PTPRT: variants seen among roughly 807,000 people sequenced by gnomAD.
PTPRT encodes the protein receptor-type tyrosine-protein phosphatase T.
A neutral mutation model predicts 176.8 loss-of-function variants in PTPRT; 56 were observed. The ratio of observed to expected loss-of-function variants is 0.32; its 90% CI spans 0.26 to 0.40. PTPRT has a LOEUF of 0.40. Ranked by LOEUF, PTPRT falls within the 10% of genes least tolerant of loss-of-function variation. The pLI, the probability that PTPRT is intolerant of heterozygous loss-of-function variation, is 1.00. For missense variants in PTPRT, 1,540 were observed against 1,908.2 expected, an observed-to-expected ratio of 0.81 and a Z score of 3.60; for synonymous variants, 783 against 739.0, an observed-to-expected ratio of 1.06 and a Z score of -0.96.
At chr20:42,915,351 G>A (rs184343700) in intron 1 of PTPRT, among the ~76,000 whole-genome samples, 49 of 152,326 alleles carry the variant, frequency 3.2e-4, no homozygotes, top group African/African-American at 8.4e-4. Flanking sequence ...AGGCCTGTGG[G>A]TCCCTCCCTG....
chr20:42,947,985 TTGAATGAA>T (rs57263700), intron 1 of PTPRT, among the ~76,000 whole-genome samples: 12 of 152,032 alleles, frequency 7.9e-5, no homozygotes, highest in African/African-American at 2.2e-4. Flanking sequence ...CATGCATTTG[TTGAATGAA>T]TGAATGAATG....
At chr20:42,116,468 A>G (rs1569551) in intron 21 of PTPRT, among the ~76,000 whole-genome samples, 90,151 of 151,892 alleles carry the variant, frequency 0.59, 28,217 homozygotes, top group African/African-American at 0.82. Flanking sequence ...AAGTGCTGAA[A>G]CCTCTCTGAG....
intron 1 of PTPRT, among the ~76,000 whole-genome samples, chr20:43,081,297 C>T (rs953995820): frequency 6.6e-6 from 1 of 152,190 alleles, no homozygotes. Context: ...ATTTCTTCAG[C>T]AGTGATTGTT....
intron 7 of PTPRT, among the ~76,000 whole-genome samples, chr20:42,567,495 A>G (rs1244562696): frequency 2.0e-5 from 3 of 152,322 alleles, no homozygotes; most frequent in African/African-American, 4.8e-5. Flanking sequence ...GGGGTGAGGT[A>G]CTGTACACTT....
At chr20:42,122,112 TCAC>T (rs1436571757) in intron 19 of PTPRT, among the ~76,000 whole-genome samples, 2 of 152,180 alleles carry the variant, frequency 1.3e-5, no homozygotes, top group Non-Finnish European at 2.9e-5. Context: ...AGCCTATACT[TCAC>T]CACTGTGCAA....
At chr20:42,295,052 A>G (rs1356146181) in intron 12 of PTPRT, among the ~76,000 whole-genome samples, 1 of 152,168 alleles carries the variant, frequency 6.6e-6, no homozygotes, top group East Asian at 1.9e-4. Flanking sequence ...TAGGTAGGTA[A>G]ATATTTTATG....
chr20:42,680,915 C>T (rs1257999949), intron 6 of PTPRT, among the ~76,000 whole-genome samples: 1 of 152,190 alleles, frequency 6.6e-6, no homozygotes, highest in Non-Finnish European at 1.5e-5. Context: ...GCAGATTAGC[C>T]TCACGGTTAT....
chr20:42,645,029 A>G (rs2074857142), intron 7 of PTPRT, among the ~76,000 whole-genome samples: 2 of 152,136 alleles, frequency 1.3e-5, no homozygotes, highest in African/African-American at 4.8e-5. Context: ...TTCTCACCCC[A>G]AGTTAGTAAG....
At chr20:42,223,686 G>A (rs1177436608) in intron 15 of PTPRT, among the ~76,000 whole-genome samples, 1 of 152,046 alleles carries the variant, frequency 6.6e-6, no homozygotes, top group African/African-American at 2.4e-5. Context: ...ATAAAGCAAA[G>A]ATAAGAAAAA....
chr20:42,282,832 T>C (rs2057162886), intron 12 of PTPRT, among the ~76,000 whole-genome samples: 1 of 152,114 alleles, frequency 6.6e-6, no homozygotes, highest in African/African-American at 2.4e-5. Context: ...ACTCATCATC[T>C]TTAACAATAA....
At chr20:42,133,634 G>T (rs977209767) in intron 18 of PTPRT, among the ~76,000 whole-genome samples, 1 of 152,168 alleles carries the variant, frequency 6.6e-6, no homozygotes, top group African/African-American at 2.4e-5. Flanking sequence ...TTGTACATTT[G>T]TCAAATCCTA....
intron 13 of PTPRT, among the ~76,000 whole-genome samples, chr20:42,253,506 G>C (rs1422149597): frequency 1.3e-5 from 2 of 151,938 alleles, no homozygotes; most frequent in Admixed American, 1.3e-4. Flanking sequence ...GGGTGACTTT[G>C]TTTTATTAAG....
intron 1 of PTPRT, among the ~76,000 whole-genome samples, chr20:42,961,144 TTAAAA>T (rs779851403): frequency 2.0e-4 from 30 of 152,126 alleles, no homozygotes; most frequent in Non-Finnish European, 3.7e-4. Context: ...AGGTAGGTAA[TTAAAA>T]TAAAGAAAAG....
chr20:42,825,232 G>A (rs1034378829), intron 2 of PTPRT, among the ~76,000 whole-genome samples: 19 of 151,884 alleles, frequency 1.3e-4, no homozygotes, highest in African/African-American at 4.4e-4. Flanking sequence ...ACCACCAATT[G>A]AATAATCCCA....
At chr20:42,658,004 A>T (rs2867491) in intron 7 of PTPRT, among the ~76,000 whole-genome samples, 43,196 of 151,262 alleles carry the variant, frequency 0.29, 6,329 homozygotes, top group Non-Finnish European at 0.3. Flanking sequence ...AACAGTTTTA[A>T]GTTATATCTA....
intron 7 of PTPRT, among the ~76,000 whole-genome samples, chr20:42,521,238 C>T (rs1307850382): frequency 6.6e-6 from 1 of 152,026 alleles, no homozygotes; most frequent in Non-Finnish European, 1.5e-5. Flanking sequence ...AGATAAAATA[C>T]CCCTTAAGCT....
chr20:42,239,890 G>A (rs1272586425), intron 14 of PTPRT, among the ~76,000 whole-genome samples: 1 of 152,132 alleles, frequency 6.6e-6, no homozygotes, highest in African/African-American at 2.4e-5. Flanking sequence ...GGTTAGCTGA[G>A]GAATCTAAGA....
At chr20:42,871,381 T>G (rs998649250) in intron 2 of PTPRT, among the ~76,000 whole-genome samples, 1 of 152,116 alleles carries the variant, frequency 6.6e-6, no homozygotes, top group African/African-American at 2.4e-5. Context: ...CTTTATGTAT[T>G]CCAGATAGTA....
chr20:42,625,335 G>T (rs979710246), intron 7 of PTPRT, among the ~76,000 whole-genome samples: 1 of 152,132 alleles, frequency 6.6e-6, no homozygotes, highest in Admixed American at 6.5e-5. Flanking sequence ...GAAGAAAAAT[G>T]AAAGAGGGAG....
Sources: allele counts gnomAD v4.1 joint callset (sites outside exome capture counted in the v4.1 genomes callset), GRCh38; gene constraint gnomAD v4.1.1; transcripts MANE v1.5; gene names NCBI Gene and HGNC (gene_info 2026-07-23, HGNC 2026-07-21).